The following ENTPD5 variants were observed in gnomAD, a reference collection of about 807,000 sequenced individuals.
The protein encoded by ENTPD5 is ectonucleoside triphosphate diphosphohydrolase 5 (inactive), also known as nucleoside diphosphate phosphatase ENTPD5.
A neutral mutation model predicts 60.2 loss-of-function variants in ENTPD5; 49 were observed. The ratio of observed to expected loss-of-function variants is 0.81; its 90% confidence interval spans 0.65 to 1.03. The LOEUF is 1.03. Among genes scored for constraint, ENTPD5 ranks in the 50% least tolerant of loss-of-function variants. The pLI is 0.00. For synonymous variants in ENTPD5, 187 were observed against 185.4 expected, an observed-to-expected ratio of 1.01 and a Z score of -0.07; for missense variants, 480 against 507.6, an observed-to-expected ratio of 0.95 and a Z score of 0.52.
chr14:73,956,126 C>A (rs972012120), downstream of ENTPD5: 32 of 582,608 alleles, frequency 5.5e-5, no homozygotes, highest in Non-Finnish European at 6.8e-5. Flanking sequence ...AGATGGAGAC[C>A]ATCCTGGCTA....
intron 6 of ENTPD5, among the ~76,000 whole-genome samples, chr14:73,980,869 G>C (rs865842709): frequency 6.6e-6 from 1 of 152,012 alleles, no homozygotes; most frequent in Non-Finnish European, 1.5e-5. Flanking sequence ...AGGCTGAGGC[G>C]GGCAGATCAC....
At chr14:74,006,980 TAATA>T (rs1479775701) in intron 3 of ENTPD5, among the ~76,000 whole-genome samples, 1 of 152,124 alleles carries the variant, frequency 6.6e-6, no homozygotes, top group Non-Finnish European at 1.5e-5. Context: ...AAGAATTAAA[TAATA>T]AATCTGAAAT....
chr14:73,973,636 G>A (rs1249448175), intron 12 of ENTPD5, among the ~76,000 whole-genome samples: 1 of 152,144 alleles, frequency 6.6e-6, no homozygotes. Context: ...CAATAGATGT[G>A]CACCACAGCA....
chr14:74,001,027 C>G (rs1359213909), intron 3 of ENTPD5, among the ~76,000 whole-genome samples: 1 of 151,996 alleles, frequency 6.6e-6, no homozygotes, highest in Non-Finnish European at 1.5e-5. Flanking sequence ...GCAAGTCCAG[C>G]TTGGACAACA....
chr14:74,014,266 T>C (rs181818443), intron 2 of ENTPD5, among the ~76,000 whole-genome samples: 26 of 152,106 alleles, frequency 1.7e-4, no homozygotes, highest in South Asian at 6.2e-4. Context: ...AAACCCCATT[T>C]CAAAAATATA....
chr14:73,970,234 G>A (rs1047775882), intron 14 of ENTPD5, 109 bp from the exon 15 acceptor site: 3 of 693,588 alleles, frequency 4.3e-6, no homozygotes, highest in Non-Finnish European at 7.6e-6. Flanking sequence ...GCTCACGCCT[G>A]TAATCCTAGC....
chr14:73,961,703 G>T (rs370190529), downstream of ENTPD5: 7 of 1,613,228 alleles, frequency 4.3e-6, no homozygotes, highest in African/African-American at 9.3e-5. Context: ...CCTTATTATT[G>T]GATTAGGGAT....
rs540277761 is a variant in ENTPD5, at chr14:74,016,327, A to G, written c.-237-397T>C. On this transcript the variant is annotated intron_variant, in intron 1 of 15. Coordinates refer to ENST00000334696, the MANE Select transcript of ENTPD5 (RefSeq NM_001249.5). The stretch of plus-strand genomic sequence containing the variant: ...ACAAAATCAAACTTAGTCAATAAAA[A>G]ATATATATAATACAATAAAATAAAC... Among the ~76,000 whole-genome samples the G allele has an allele frequency of 5.9e-5, 9 of 152,330 alleles. No homozygotes were observed. The South Asian group carries it at 1.9e-3, about 32-fold the overall frequency.
chr14:74,008,728 C>T (rs2058756036), intron 3 of ENTPD5, among the ~76,000 whole-genome samples: 1 of 152,080 alleles, frequency 6.6e-6, no homozygotes, highest in Non-Finnish European at 1.5e-5. Context: ...AAGACAGGGT[C>T]TTCTTGTGCC....
At chr14:73,998,288 C>G (rs147219966) in intron 3 of ENTPD5, among the ~76,000 whole-genome samples, 2,000 of 152,176 alleles carry the variant, frequency 0.013, 25 homozygotes, top group South Asian at 0.03. Context: ...TAGCAGCTGA[C>G]CAACTGTTAC....
chr14:73,990,434 A>G (rs1313282195), intron 3 of ENTPD5, among the ~76,000 whole-genome samples: 1 of 151,810 alleles, frequency 6.6e-6, no homozygotes, highest in Admixed American at 6.6e-5. Flanking sequence ...TCCCGGGCTC[A>G]AGTGATCCTT....
At chr14:73,975,054 A>G in intron 10 of ENTPD5, 69 bp from the exon 11 acceptor site, 1 of 1,172,816 alleles carries the variant, frequency 8.5e-7, no homozygotes, top group Non-Finnish European at 1.3e-6. Flanking sequence ...TACCTCTTTC[A>G]AAAGTAACAT....
chr14:73,959,603 T>A (rs777514074), downstream of ENTPD5: 5 of 1,603,840 alleles, frequency 3.1e-6, no homozygotes, highest in South Asian at 5.5e-5. Context: ...TTGAAACGGA[T>A]CCTTGCCAGG....
chr14:74,008,386 C>A (rs190153471), intron 3 of ENTPD5, among the ~76,000 whole-genome samples: 14 of 150,650 alleles, frequency 9.3e-5, no homozygotes, highest in East Asian at 1.9e-4. Context: ...TTTATTTTTT[C>A]TTTTTTCTTT....
intron 1 of ENTPD5, among the ~76,000 whole-genome samples, chr14:74,016,697 C>G (rs954629314): frequency 6.6e-6 from 1 of 152,152 alleles, no homozygotes; most frequent in Non-Finnish European, 1.5e-5. Flanking sequence ...AACTAAGGTA[C>G]TACGCATACA....
chr14:73,956,269 A>G (rs2056432703), downstream of ENTPD5: 1 of 312,448 alleles, frequency 3.2e-6, no homozygotes, highest in Admixed American at 4.0e-5. Flanking sequence ...TGGAGCTTGC[A>G]GTGAGCCGAG....
chr14:73,969,905 C>T (rs2057147822), intron 15 of ENTPD5, 105 bp downstream of exon 15: 2 of 803,642 alleles, frequency 2.5e-6, no homozygotes, highest in Non-Finnish European at 4.3e-6. Context: ...ACAAAAATAC[C>T]TCATAATTTC....
chr14:73,958,098 T>G (rs1317734454), downstream of ENTPD5: 1 of 1,481,630 alleles, frequency 6.7e-7, no homozygotes. Context: ...TTCCTCAGCC[T>G]ATGTGGCCCA....
chr14:74,017,821 T>C (rs1594976650), intron 1 of ENTPD5, among the ~76,000 whole-genome samples: 1 of 147,476 alleles, frequency 6.8e-6, no homozygotes, highest in Non-Finnish European at 1.5e-5. Context: ...GAGGCAGAGG[T>C]TGTGGTGAGC....
Sources: gnomAD v4.1 joint callset for allele counts (sites outside exome capture counted in the v4.1 genomes callset) on GRCh38, gnomAD v4.1.1 for gene constraint, MANE v1.5 for transcripts, NCBI Gene and HGNC (gene_info 2026-07-23, HGNC 2026-07-21) for gene names.